The following C10orf143 variants were observed in gnomAD, a reference collection of about 807,000 sequenced individuals.
The protein encoded by C10orf143 is uncharacterized protein C10orf143.
At chr10:130,106,818 A>G (rs772614973) in intron 1 of C10orf143, 2 of 1,189,040 alleles carry the variant, frequency 1.7e-6, no homozygotes, top group East Asian at 2.3e-5. Flanking sequence ...CAAGTTCTAA[A>G]TGATAAAGAA....
intron 1 of C10orf143, among the ~76,000 whole-genome samples, chr10:130,092,919 A>G (rs1259087684): frequency 6.6e-6 from 1 of 152,216 alleles, no homozygotes; most frequent in Non-Finnish European, 1.5e-5. Flanking sequence ...TTCATAAAGC[A>G]AGTTCTAAGA....
intron 1 of C10orf143, among the ~76,000 whole-genome samples, chr10:130,110,398 T>C (rs901707517): frequency 6.6e-6 from 1 of 152,168 alleles, no homozygotes; most frequent in East Asian, 1.9e-4. Flanking sequence ...GGTCCTGCAA[T>C]GAGTCTCGGC....
chr10:130,044,815 A>G (rs1437429754), intron 3 of C10orf143, among the ~76,000 whole-genome samples: 2 of 152,120 alleles, frequency 1.3e-5, no homozygotes, highest in East Asian at 3.9e-4. Context: ...TGTGTACCCC[A>G]GAAAGGGCTT....
At chr10:130,077,217 C>T (rs983487778) in intron 3 of C10orf143, among the ~76,000 whole-genome samples, 6 of 151,938 alleles carry the variant, frequency 3.9e-5, no homozygotes, top group Non-Finnish European at 5.9e-5. Flanking sequence ...AGAGGTCTAC[C>T]GAGGAAGTCC....
At chr10:130,094,120 A>G (rs1235308508) in intron 1 of C10orf143, among the ~76,000 whole-genome samples, 2 of 152,176 alleles carry the variant, frequency 1.3e-5, no homozygotes, top group African/African-American at 2.4e-5. Flanking sequence ...AAACTCAAAA[A>G]TCTAGAAGAA....
At chr10:130,075,945 A>G (rs1410899539) in intron 3 of C10orf143, among the ~76,000 whole-genome samples, 2 of 149,376 alleles carry the variant, frequency 1.3e-5, no homozygotes, top group Admixed American at 6.7e-5. Flanking sequence ...ATCCAGTCTC[A>G]GGTAGTTTTT....
At chr10:130,057,882 A>C (rs1047989378) in intron 3 of C10orf143, among the ~76,000 whole-genome samples, 5 of 152,242 alleles carry the variant, frequency 3.3e-5, no homozygotes, top group African/African-American at 1.2e-4. Context: ...GAAACTGAGT[A>C]AGTGGCAGAG....
intron 1 of C10orf143, among the ~76,000 whole-genome samples, chr10:130,099,576 G>T (rs917189779): frequency 2.7e-5 from 4 of 150,910 alleles, no homozygotes; most frequent in African/African-American, 9.8e-5. Context: ...TCACTCTGTC[G>T]CCCAGGCTAG....
intron 3 of C10orf143, among the ~76,000 whole-genome samples, chr10:130,072,439 C>G (rs1421638608): frequency 6.6e-6 from 1 of 152,196 alleles, no homozygotes; most frequent in Non-Finnish European, 1.5e-5. Flanking sequence ...TTTATACTAT[C>G]CATCTTTTTA....
At chr10:130,053,599 T>C (rs549791815) in intron 3 of C10orf143, among the ~76,000 whole-genome samples, 1 of 152,284 alleles carries the variant, frequency 6.6e-6, no homozygotes, top group South Asian at 2.1e-4. Context: ...GAGCTTGCTG[T>C]TGGGCGTGAG....
intron 3 of C10orf143, among the ~76,000 whole-genome samples, chr10:130,053,315 C>T (rs1281263464): frequency 6.6e-6 from 1 of 152,222 alleles, no homozygotes; most frequent in Non-Finnish European, 1.5e-5. Flanking sequence ...TCGTGATCCG[C>T]CTGCCTTGGT....
At chr10:130,058,995 A>G (rs555802137), downstream of C10orf143, among the ~76,000 whole-genome samples, 4 of 152,366 alleles carry the variant, frequency 2.6e-5, no homozygotes, top group Admixed American at 6.5e-5. Context: ...AGAACAGAGA[A>G]GCAAGTAAAG....
intron 3 of C10orf143, among the ~76,000 whole-genome samples, chr10:130,075,283 AACATTGAAGGGCCTG>A (rs1483859603): frequency 2.6e-5 from 4 of 152,154 alleles, no homozygotes; most frequent in African/African-American, 9.7e-5. Context: ...AGCGATGGGC[AACATTGAAGGGCCTG>A]ACTGTATTTT....
intron 3 of C10orf143, among the ~76,000 whole-genome samples, chr10:130,047,247 G>A (rs148872082): frequency 2.6e-5 from 4 of 152,328 alleles, no homozygotes; most frequent in Non-Finnish European, 4.4e-5. Flanking sequence ...ACCCCATGGG[G>A]TTGCCGTGGG....
rs566672526 is a variant in C10orf143 at position 130,054,419 on chromosome 10, CTT to C, written c.298-18451_298-18450del. Among the ~76,000 whole-genome samples the C allele has an allele frequency of 9.5e-4, 144 of 152,324 alleles. 1 individual carries two copies. The highest frequency in any genetic ancestry group is 3.4e-3 in the African/African-American group (140 of 41,568). On this transcript the variant is annotated intron_variant and NMD_transcript_variant, in intron 3 of 5. Transcript: ENST00000643056. ...AAGTCACATTTTCCTCATCTGCTGT[CTT>C]TGAGTGGGCATGCAGGTTGTTTTCA... is the stretch of plus-strand genomic sequence containing the variant.
chr10:130,103,287 A>AT (rs1242946532), intron 1 of C10orf143, among the ~76,000 whole-genome samples: 1 of 152,092 alleles, frequency 6.6e-6, no homozygotes, highest in East Asian at 1.9e-4. Context: ...CTGAGTCTTG[A>AT]TTTTTTAATT....
intron 1 of C10orf143, chr10:130,106,039 T>C (rs1352976633): frequency 3.8e-6 from 2 of 532,356 alleles, no homozygotes; most frequent in South Asian, 1.5e-5. Context: ...AGAGCAGCCT[T>C]GGCGCTATGT....
intron 3 of C10orf143, among the ~76,000 whole-genome samples, chr10:130,070,597 C>T (rs1352294036): frequency 6.6e-6 from 1 of 152,128 alleles, no homozygotes; most frequent in Admixed American, 6.5e-5. Flanking sequence ...TTAGATATCA[C>T]CAAAACACTG....
chr10:130,037,298 G>A (rs918461013), intron 3 of C10orf143, among the ~76,000 whole-genome samples: 5 of 152,186 alleles, frequency 3.3e-5, no homozygotes, highest in Non-Finnish European at 5.9e-5. Flanking sequence ...AAGCACTGCC[G>A]CTTTCCTCCG....
Sources: gnomAD v4.1 joint callset for allele counts (sites outside exome capture counted in the v4.1 genomes callset) on GRCh38, gnomAD v4.1.1 for gene constraint, MANE v1.5 for transcripts, NCBI Gene and HGNC (gene_info 2026-07-23, HGNC 2026-07-21) for gene names.